The following FAM8A1 variants were observed in gnomAD, a reference collection of about 807,000 sequenced individuals.
The protein encoded by FAM8A1 is protein FAM8A1.
Under a neutral mutation model 38.3 loss-of-function variants are expected in FAM8A1, and 18 were observed. That is an observed-to-expected ratio of 0.47 (90% CI 0.33 to 0.70). The LOEUF is 0.70. Among genes scored for constraint, FAM8A1 ranks in the 30% least tolerant of loss-of-function variants. FAM8A1 has a pLI of 0.03. For synonymous variants in FAM8A1, 246 were observed against 234.4 expected (o/e 1.05, Z -0.45); for missense variants, 559 against 559.6 (o/e 1.00, Z 0.01).
rs1286261197 is a variant in FAM8A1 at position 17,609,806 on chromosome 6, A to G, written c.*1467A>G. ...TGGTGTTCTTGGTCTTAAATTTAACAGCAAACACAGCACATATCTATTATC... is the reference window on the plus strand; with the variant it reads ...TGGTGTTCTTGGTCTTAAATTTAACGGCAAACACAGCACATATCTATTATC... On this transcript the variant is annotated 3_prime_UTR_variant, in exon 5 of 5. Transcript: ENST00000259963. 1.3e-5 allele frequency: 2 copies of G among 152,220 alleles called. No individual in the cohort carries two copies. The highest frequency in any genetic ancestry group is 2.9e-5 in the Non-Finnish European group (2 of 68,020). 9.4% of individuals were successfully genotyped at this position (152,220 alleles called of 1,614,324 possible).
chr6:17,605,558 G>C (rs1382576115), intron 3 of FAM8A1, among the ~76,000 whole-genome samples: 1 of 151,984 alleles, frequency 6.6e-6, no homozygotes, highest in Admixed American at 6.6e-5. Context: ...TTCAGTCTTA[G>C]AAACTCAAAT....
In FAM8A1 at chr6:17,610,121, T is replaced by C. The variant is rs1201872553; in HGVS notation, c.*1782T>C. 6.6e-6 allele frequency: 1 copy of C among 152,156 alleles called. No individual in the cohort carries two copies. Among genetic ancestry groups the C allele is most frequent in the Non-Finnish European group, 1.5e-5 (1 of 68,004 alleles). The allele number at this position is 152,156 out of a possible 1,614,324, so 9.4% of individuals were successfully genotyped here. ...ATTTTTAAAATTAGGAGATGTTACGTAACTTGGCACTTTAGTAGTGTATAC... is the reference window on the plus strand; with the variant it reads ...ATTTTTAAAATTAGGAGATGTTACGCAACTTGGCACTTTAGTAGTGTATAC... On this transcript the variant is annotated 3_prime_UTR_variant, in exon 5 of 5. Coordinates refer to ENST00000259963, the MANE Select transcript of FAM8A1 (RefSeq NM_016255.3).
At chr6:17,602,029 G>A (rs1381073696) in intron 1 of FAM8A1, among the ~76,000 whole-genome samples, 1 of 152,158 alleles carries the variant, frequency 6.6e-6, no homozygotes, top group Non-Finnish European at 1.5e-5. Context: ...CAGTTTTCTA[G>A]GGGGAAAGTG....
Position 17,608,491 on chromosome 6 carries a change from G to A in FAM8A1, c.*152G>A. On this transcript the variant is annotated 3_prime_UTR_variant, in exon 5 of 5. Coordinates refer to ENST00000259963, the MANE Select transcript of FAM8A1 (RefSeq NM_016255.3). ...TACTCTGAAAGTATTGATTATACTT[G>A]AATGCCAAAGAACTTGTCCAGAAGA... 1.3e-6 allele frequency: 1 copy of A among 741,740 alleles called. No individual in the cohort carries two copies. The highest frequency in any genetic ancestry group is 1.9e-6 in the Non-Finnish European group (1 of 515,456). 45.9% of individuals were successfully genotyped at this position (741,740 alleles called of 1,614,324 possible). A position where few individuals can be genotyped will look rare whatever the true frequency, so the allele number is the denominator to read the frequency against.
At chr6:17,603,731 C>T (rs1764016615) in intron 2 of FAM8A1, among the ~76,000 whole-genome samples, 1 of 151,974 alleles carries the variant, frequency 6.6e-6, no homozygotes, top group Admixed American at 6.6e-5. Flanking sequence ...GCATGCTCCA[C>T]CATGCCTAGC....
chr6:17,602,490 G>T, intron 1 of FAM8A1, 100 bp from the exon 2 acceptor site: 1 of 1,177,320 alleles, frequency 8.5e-7, no homozygotes, highest in African/African-American at 1.5e-5. Context: ...TTATTAAGTT[G>T]TACCTTGACT....
At chr6:17,602,884 TA>T (rs1764005634) in intron 2 of FAM8A1, among the ~76,000 whole-genome samples, 174 bp downstream of exon 2, 1 of 152,194 alleles carries the variant, frequency 6.6e-6, no homozygotes, top group African/African-American at 2.4e-5. Context: ...AAGAAATAAC[TA>T]GAAAGGAAAA....
rs959122800 is a variant in FAM8A1 at position 17,609,330 on chromosome 6, A to G, written c.*991A>G. On this transcript the variant is annotated 3_prime_UTR_variant, in exon 5 of 5. Transcript: ENST00000259963. ...CTTTCCTTATATTTTATATAGTTCTATGACTGTTGAAACATCAAGGAGTTA... is the reference window on the plus strand; with the variant it reads ...CTTTCCTTATATTTTATATAGTTCTGTGACTGTTGAAACATCAAGGAGTTA... 5 of 152,170 alleles carry G rather than the reference A, an allele frequency of 3.3e-5. No individual in the cohort carries two copies. The highest frequency in any genetic ancestry group is 1.2e-4 in the African/African-American group (5 of 41,450). 9.4% of individuals were successfully genotyped at this position (152,170 alleles called of 1,614,324 possible).
chr6:17,605,899 G>A lies in FAM8A1; in HGVS notation c.983G>A (p.Gly328Glu), dbSNP rs1764045912. The A allele has an allele frequency of 3.2e-6, 5 of 1,558,426 alleles. No homozygotes were observed. The highest frequency in any genetic ancestry group is 4.4e-6 in the Non-Finnish European group (5 of 1,144,580). Residue 328 changes from glycine (G) to glutamate (E), a missense_variant, in exon 4 of 5, where the codon GGA becomes GAA. By Grantham distance (98) the Gly-to-Glu change is moderately conservative (BLOSUM62 -2). Around this residue, in one of 2 missense-constraint regions of FAM8A1, gnomAD observed 166 missense variants for 220.8 expected, o/e 0.75. Transcript: ENST00000259963. Reference protein sequence around the residue: ...YEIICIWGAGGATPGKFLLGL... With the variant: ...YEIICIWGAGEATPGKFLLGL... Reference sequence around the variant, plus strand: ...ATAATTTGCATTTGGGGAGCAGGTGGAGCTACCCCAGGGAAGTTCCTGCTG... The same window carrying A: ...ATAATTTGCATTTGGGGAGCAGGTGAAGCTACCCCAGGGAAGTTCCTGCTG...
Position 17,609,820 on chromosome 6 carries a change from A to G in FAM8A1, c.*1481A>G, listed in dbSNP as rs373525181. The G allele has an allele frequency of 2.0e-5, 3 of 152,190 alleles. No individual in the cohort carries two copies. The highest frequency in any genetic ancestry group is 1.9e-4 in the East Asian group (1 of 5,204). The allele number at this position is 152,190 out of a possible 1,614,324, so 9.4% of individuals were successfully genotyped here. A position where few individuals can be genotyped will look rare whatever the true frequency, so the allele number is the denominator to read the frequency against. On this transcript the variant is annotated 3_prime_UTR_variant, in exon 5 of 5. Transcript: ENST00000259963. ...TTAAATTTAACAGCAAACACAGCAC[A>G]TATCTATTATCACTATATTAATTTT...
Position 17,610,632 on chromosome 6 carries a change from C to T in FAM8A1, c.*2293C>T, listed in dbSNP as rs151211234. Reference sequence around the variant, plus strand: ...GGTTGTAAGGTAGTCTCCTGCTTTCCAGAACACTTTATTATATTTCACTTA... The same window carrying T: ...GGTTGTAAGGTAGTCTCCTGCTTTCTAGAACACTTTATTATATTTCACTTA... On this transcript the variant is annotated 3_prime_UTR_variant, in exon 5 of 5. Coordinates refer to ENST00000259963, the MANE Select transcript of FAM8A1 (RefSeq NM_016255.3). 2 of 152,184 alleles carry T rather than the reference C, an allele frequency of 1.3e-5. No homozygotes were observed. The highest frequency in any genetic ancestry group is 3.9e-4 in the East Asian group (2 of 5,188). 9.4% of individuals were successfully genotyped at this position (152,184 alleles called of 1,614,324 possible).
rs931391173 is a variant in FAM8A1, at chr6:17,609,410, G to A, written c.*1071G>A. ...TAAGTACTATTAATTAATAGCTTGCGAAATATTAGCAATTTTCCCATTATG... is the reference window on the plus strand; with the variant it reads ...TAAGTACTATTAATTAATAGCTTGCAAAATATTAGCAATTTTCCCATTATG... On this transcript the variant is annotated 3_prime_UTR_variant, in exon 5 of 5. Transcript: ENST00000259963. The A allele has an allele frequency of 3.3e-5, 5 of 151,936 alleles. No homozygotes were observed. Among genetic ancestry groups the A allele is most frequent in the African/African-American group, 4.8e-5 (2 of 41,358 alleles). The allele number at this position is 151,936 out of a possible 1,614,324, so 9.4% of individuals were successfully genotyped here. A position where few individuals can be genotyped will look rare whatever the true frequency, so the allele number is the denominator to read the frequency against.
rs954962313 is a variant in FAM8A1 at position 17,610,119 on chromosome 6, C to T, written c.*1780C>T. The T allele has an allele frequency of 8.6e-5, 13 of 151,874 alleles. No individual in the cohort carries two copies. The highest frequency in any genetic ancestry group is 1.7e-4 in the African/African-American group (7 of 41,370). The allele number at this position is 151,874 out of a possible 1,614,324, so 9.4% of individuals were successfully genotyped here. A position where few individuals can be genotyped will look rare whatever the true frequency, so the allele number is the denominator to read the frequency against. ...TCATTTTTAAAATTAGGAGATGTTACGTAACTTGGCACTTTAGTAGTGTAT... is the reference window on the plus strand; with the variant it reads ...TCATTTTTAAAATTAGGAGATGTTATGTAACTTGGCACTTTAGTAGTGTAT... On this transcript the variant is annotated 3_prime_UTR_variant, in exon 5 of 5. Transcript: ENST00000259963.
At chr6:17,607,388 ATTAAT>A (rs971899290) in intron 4 of FAM8A1, among the ~76,000 whole-genome samples, 1 of 151,194 alleles carries the variant, frequency 6.6e-6, no homozygotes, top group Non-Finnish European at 1.5e-5. Context: ...CTGCATATGT[ATTAAT>A]TTAATGCTAA....
chr6:17,607,036 A>C (rs747907710), intron 4 of FAM8A1, among the ~76,000 whole-genome samples: 18 of 152,230 alleles, frequency 1.2e-4, no homozygotes, highest in Non-Finnish European at 2.2e-4. Context: ...TGAGGTGGGC[A>C]GATCACGAGG....
chr6:17,602,745 T>C (rs1764003356), intron 2 of FAM8A1, 35 bp downstream of exon 2: 1 of 1,587,782 alleles, frequency 6.3e-7, no homozygotes, highest in South Asian at 1.2e-5. Flanking sequence ...GGTTTTAATT[T>C]CTACTGTTTA....
chr6:17,600,345 A>AG lies in FAM8A1; in HGVS notation c.-61dup. On this transcript the variant is annotated 5_prime_UTR_variant, in exon 1 of 5. Coordinates refer to ENST00000259963, the MANE Select transcript of FAM8A1 (RefSeq NM_016255.3). ...TGCGGTGGTGACGGGGCTGTTGGGGAGGGGCCATTGGGGGAGGGAAACGGA... is the reference window on the plus strand; with the variant it reads ...TGCGGTGGTGACGGGGCTGTTGGGGAGGGGGCCATTGGGGGAGGGAAACGGA... 1 of 1,318,678 alleles carries AG rather than the reference A, an allele frequency of 7.6e-7. No homozygotes were observed. Among genetic ancestry groups the AG allele is most frequent in the Non-Finnish European group, 9.7e-7 (1 of 1,031,488 alleles). 81.7% of individuals were successfully genotyped at this position (1,318,678 alleles called of 1,614,324 possible).
At position 17,608,313 on chromosome 6, in the gene FAM8A1, G is replaced by T; in HGVS notation, c.1216G>T (p.Val406Leu). 1 of 1,611,678 alleles carries T rather than the reference G, an allele frequency of 6.2e-7. No individual in the cohort carries two copies. The highest frequency in any genetic ancestry group is 8.5e-7 in the Non-Finnish European group (1 of 1,179,512). Reference protein sequence around the residue: ...TAYDIVAGTIVVKRNGVR With the variant: ...TAYDIVAGTILVKRNGVR ...TTATGACATTGTAGCAGGAACCATT[G>T]TGGTAAAAAGAAATGGGGTCAGATG... is the stretch of plus-strand genomic sequence containing the variant. The change falls in exon 5 of 5, where the codon GTG (valine) becomes TTG (leucine). Residue 406 changes from valine to leucine, a missense_variant. Val to Leu is a conservative substitution (Grantham distance 32). Around this residue, in one of 2 missense-constraint regions of FAM8A1, gnomAD observed 166 missense variants for 220.8 expected, o/e 0.75. Transcript: ENST00000259963.
chr6:17,602,591 CAG>C lies in FAM8A1; in HGVS notation c.718_719del (p.Glu240IlefsTer42), dbSNP rs1561840994. On this transcript the variant is annotated frameshift_variant and splice_region_variant, in exon 2 of 5. Coordinates refer to ENST00000259963, the MANE Select transcript of FAM8A1 (RefSeq NM_016255.3). LOFTEE classifies it high-confidence loss of function. The part of the protein sequence containing the change: ...SPSETGRQAG[R>X]EYVIPSLAHR... ...CTTTTTTTTTTTTTTAATTTACAGGCAGAGAATATGTTATTCCATCCTTGGCC... is the reference window on the plus strand; with the variant it reads ...CTTTTTTTTTTTTTTAATTTACAGGCAGAATATGTTATTCCATCCTTGGCC... The C allele has an allele frequency of 6.3e-7, 1 of 1,587,538 alleles. No individual in the cohort carries two copies. The highest frequency in any genetic ancestry group is 8.5e-7 in the Non-Finnish European group (1 of 1,173,182).
Sources: allele counts gnomAD v4.1 joint callset (sites outside exome capture counted in the v4.1 genomes callset), GRCh38; gene constraint gnomAD v4.1.1; regional missense constraint gnomAD v4.1.1; transcripts MANE v1.5; gene names NCBI Gene and HGNC (gene_info 2026-07-23, HGNC 2026-07-21).